The following NEK7 variants were observed in gnomAD, a reference collection of about 807,000 sequenced individuals.
NEK7 encodes NIMA related kinase 7, also known as serine/threonine-protein kinase Nek7.
In NEK7, 18 loss-of-function variants were observed where a neutral mutation model predicts 44.6. That is an observed-to-expected ratio of 0.40 (90% CI 0.28 to 0.60). The LOEUF (loss-of-function observed/expected upper bound fraction) is 0.60, where lower values mean the gene tolerates loss of function less well. Among genes scored for constraint, NEK7 ranks in the 20% least tolerant of loss-of-function variants. NEK7 has a pLI of 0.38. For missense variants in NEK7, 256 were observed against 366.5 expected, an observed-to-expected ratio of 0.70 and a Z score of 2.46; for synonymous variants, 130 against 121.1, an observed-to-expected ratio of 1.07 and a Z score of -0.48.
intron 1 of NEK7, among the ~76,000 whole-genome samples, chr1:198,177,433 G>A (rs945222061): frequency 6.6e-6 from 1 of 152,056 alleles, no homozygotes; most frequent in Non-Finnish European, 1.5e-5. Flanking sequence ...ATGTATGATG[G>A]CAATAGAATT....
intron 9 of NEK7, among the ~76,000 whole-genome samples, chr1:198,315,387 AC>A (rs1655335335): frequency 6.6e-6 from 1 of 152,006 alleles, no homozygotes; most frequent in African/African-American, 2.4e-5. Flanking sequence ...TGCAGAAATC[AC>A]CCGTCTTCTG....
At position 198,161,963 on chromosome 1, in the gene NEK7, T is replaced by G. The variant is rs529596400; in HGVS notation, c.-29+4687T>G. 1.1e-3 allele frequency among the ~76,000 whole-genome samples: 168 copies of G among 152,062 alleles called. 1 individual carries two copies. Among genetic ancestry groups the G allele is most frequent in the Middle Eastern group, 6.8e-3 (2 of 292 alleles). ...TGACATAAGCAAGGGGTTGGGCAAA[T>G]TTTTTTCTTTTTAGGAAACATTAAC... On this transcript the variant is annotated intron_variant, in intron 1 of 9. Coordinates refer to ENST00000367385, the MANE Select transcript of NEK7 (RefSeq NM_133494.3).
intron 3 of NEK7, among the ~76,000 whole-genome samples, chr1:198,259,958 C>T (rs1445833723): frequency 1.3e-5 from 2 of 152,078 alleles, no homozygotes; most frequent in Non-Finnish European, 2.9e-5. Context: ...TTACAAGTTG[C>T]GTGTTAATTT....
chr1:198,263,615 A>G (rs530381034), intron 4 of NEK7, among the ~76,000 whole-genome samples: 2 of 151,988 alleles, frequency 1.3e-5, no homozygotes, highest in Non-Finnish European at 2.9e-5. Context: ...TCACATGAAT[A>G]AGTCCTGTAT....
At position 198,157,040 on chromosome 1, in the gene NEK7, G is replaced by A. The variant is rs2102684118; in HGVS notation, c.-265G>A. The A allele has an allele frequency of 6.6e-6, 1 of 152,140 alleles. No individual in the cohort carries two copies. The highest frequency in any genetic ancestry group is 2.4e-5 in the African/African-American group (1 of 41,522). 9.4% of individuals were successfully genotyped at this position (152,140 alleles called of 1,614,324 possible). A position where few individuals can be genotyped will look rare whatever the true frequency, so the allele number is the denominator to read the frequency against. ...GGCAGCAGGAGGAGGATCGGGAGTC[G>A]CGGGAGGATGGGCCGCCGCTAGGCT... On this transcript the variant is annotated 5_prime_UTR_variant, in exon 1 of 10. Transcript: ENST00000367385.
chr1:198,261,936 A>T (rs1331895214), intron 3 of NEK7, among the ~76,000 whole-genome samples: 1 of 151,880 alleles, frequency 6.6e-6, no homozygotes, highest in African/African-American at 2.4e-5. Context: ...CTGTATGTGT[A>T]TCTATACTTT....
At chr1:198,231,173 G>C (rs1214635594) in intron 1 of NEK7, among the ~76,000 whole-genome samples, 1 of 150,520 alleles carries the variant, frequency 6.6e-6, no homozygotes, top group Non-Finnish European at 1.5e-5. Context: ...CAGTGTAGTA[G>C]GTACACTGTA....
At chr1:198,300,236 T>A (rs960481668) in intron 9 of NEK7, among the ~76,000 whole-genome samples, 1 of 152,222 alleles carries the variant, frequency 6.6e-6, no homozygotes. Flanking sequence ...AACTTGGTAT[T>A]GTTGGTGACA....
intron 2 of NEK7, among the ~76,000 whole-genome samples, chr1:198,249,753 ATTTG>A (rs1473935579): frequency 7.1e-6 from 1 of 140,646 alleles, no homozygotes; most frequent in Non-Finnish European, 1.5e-5. Context: ...TTTCTTGTAA[ATTTG>A]TTTGAGTTCA....
intron 5 of NEK7, among the ~76,000 whole-genome samples, chr1:198,266,368 A>G (rs1044993404): frequency 6.6e-6 from 1 of 152,118 alleles, no homozygotes; most frequent in Non-Finnish European, 1.5e-5. Context: ...CTTTTAAAAA[A>G]TAGCTCTAGA....
chr1:198,235,936 C>T, intron 2 of NEK7, among the ~76,000 whole-genome samples: 1 of 152,084 alleles, frequency 6.6e-6, no homozygotes, highest in East Asian at 1.9e-4. Flanking sequence ...AAAATCTTAT[C>T]TTGGAGTCTT....
intron 1 of NEK7, among the ~76,000 whole-genome samples, chr1:198,199,609 T>C (rs1242988935): frequency 1.3e-5 from 2 of 152,226 alleles, no homozygotes; most frequent in Non-Finnish European, 2.9e-5. Flanking sequence ...GTTTTTGCTT[T>C]ATATATTCTG....
At chr1:198,172,326 C>T in intron 1 of NEK7, among the ~76,000 whole-genome samples, 1 of 152,186 alleles carries the variant, frequency 6.6e-6, no homozygotes, top group East Asian at 1.9e-4. Context: ...TTCTTGCAGA[C>T]TCTTTGGACA....
In NEK7 at chr1:198,157,035, G is replaced by A. The variant is rs971597415; in HGVS notation, c.-270G>A. 4 of 152,152 alleles carry A rather than the reference G, an allele frequency of 2.6e-5. No homozygotes were observed. Among genetic ancestry groups the A allele is most frequent in the East Asian group, 1.9e-4 (1 of 5,156 alleles). 9.4% of individuals were successfully genotyped at this position (152,152 alleles called of 1,614,324 possible). On this transcript the variant is annotated 5_prime_UTR_variant, in exon 1 of 10. Transcript: ENST00000367385. ...GCGGCGGCAGCAGGAGGAGGATCGG[G>A]AGTCGCGGGAGGATGGGCCGCCGCT...
chr1:198,200,472 A>G (rs7552047), intron 1 of NEK7, among the ~76,000 whole-genome samples: 22,617 of 151,690 alleles, frequency 0.15, 1,861 homozygotes, highest in East Asian at 0.22. Context: ...GTGCAGGCTG[A>G]TCTGTCTTCA....
intron 8 of NEK7, among the ~76,000 whole-genome samples, chr1:198,296,359 T>C (rs1454636117): frequency 6.6e-6 from 1 of 152,214 alleles, no homozygotes; most frequent in Non-Finnish European, 1.5e-5. Context: ...TTTGTAACAC[T>C]GCTTACCACA....
At chr1:198,228,678 T>C (rs143410790) in intron 1 of NEK7, among the ~76,000 whole-genome samples, 3 of 152,176 alleles carry the variant, frequency 2.0e-5, no homozygotes, top group African/African-American at 7.2e-5. Context: ...TTGTCTGTTA[T>C]TGGTGTATAA....
At chr1:198,234,795 C>T (rs1666500035) in intron 2 of NEK7, among the ~76,000 whole-genome samples, 1 of 152,176 alleles carries the variant, frequency 6.6e-6, no homozygotes, top group Non-Finnish European at 1.5e-5. Context: ...AGTGTCGTCC[C>T]AGGTTCTAGC....
intron 5 of NEK7, among the ~76,000 whole-genome samples, chr1:198,265,230 A>G (rs1653609194): frequency 1.3e-5 from 2 of 152,120 alleles, no homozygotes; most frequent in African/African-American, 4.8e-5. Flanking sequence ...TCATGAACCT[A>G]TCTAGCTGCA....
Sources: gnomAD v4.1 joint callset for allele counts (sites outside exome capture counted in the v4.1 genomes callset) on GRCh38, gnomAD v4.1.1 for gene constraint, MANE v1.5 for transcripts, NCBI Gene and HGNC (gene_info 2026-07-23, HGNC 2026-07-21) for gene names.